TMEM255A: variants seen among roughly 807,000 people sequenced by gnomAD.
The protein encoded by TMEM255A is transmembrane protein 255A.
In TMEM255A, 14 loss-of-function variants were observed where a neutral mutation model predicts 23.5. The observed-to-expected ratio is 0.60, with a 90% CI of 0.39 to 0.93. The LOEUF is 0.93. TMEM255A is among the 40% of genes least tolerant of loss of function. The pLI, the probability that TMEM255A is intolerant of heterozygous loss-of-function variation, is 0.00. For synonymous variants in TMEM255A, 104 were observed against 100.3 expected (o/e 1.04, Z -0.22); for missense variants, 233 against 261.7 (o/e 0.89, Z 0.76).
rs1435549807 is a variant in TMEM255A, at chrX:120,260,601, G to T, written c.*269C>A. ...GCTGAATACAGAGGTGGAGCATAGG[G>T]TAATGCAAGTCCAAACAAGCTTCTT... On this transcript the variant is annotated 3_prime_UTR_variant, in exon 9 of 9. Coordinates refer to ENST00000371369, the MANE Select transcript of TMEM255A (RefSeq NM_001104544.3). The T allele has an allele frequency of 3.5e-5, 11 of 310,126 alleles. No individual in the cohort carries two copies. Among genetic ancestry groups the T allele is most frequent in the Non-Finnish European group, 5.5e-5 (10 of 182,315 alleles). The allele number at this position is 310,126 out of a possible 1,213,427, so 25.6% of individuals were successfully genotyped here.
chrX:120,260,072 A>G lies in TMEM255A; in HGVS notation c.*798T>C, dbSNP rs2057666657. ...TTTTTAAACTCTGAATTACAACCAT[A>G]AGATTTATATCTCCTGTAGCAAATG... On this transcript the variant is annotated 3_prime_UTR_variant, in exon 9 of 9. Coordinates refer to ENST00000371369, the MANE Select transcript of TMEM255A (RefSeq NM_001104544.3). 1 of 717,235 alleles carries G rather than the reference A, an allele frequency of 1.4e-6. No individual in the cohort carries two copies. Among genetic ancestry groups the G allele is most frequent in the African/African-American group, 2.3e-5 (1 of 43,156 alleles). The allele number at this position is 717,235 out of a possible 1,213,427, so 59.1% of individuals were successfully genotyped here.
chrX:120,251,687 G>T, the TMEM255A span, among the ~76,000 whole-genome samples: 1 of 112,060 alleles, frequency 8.9e-6, no homozygotes, highest in African/African-American at 3.2e-5. Context: ...CAGCTCCTCC[G>T]AACTGGCCCT....
chrX:120,305,375 G>A (rs1358046152), intron 1 of TMEM255A, among the ~76,000 whole-genome samples: 2 of 109,442 alleles, frequency 1.8e-5, no homozygotes, highest in African/African-American at 6.7e-5. Flanking sequence ...TCAGGCATAG[G>A]GAGAGGGCCT....
intron 7 of TMEM255A, among the ~76,000 whole-genome samples, chrX:120,268,797 C>G (rs1556018100): frequency 8.9e-6 from 1 of 111,937 alleles, no homozygotes; most frequent in Non-Finnish European, 1.9e-5. Flanking sequence ...TTTCCCCAAA[C>G]TTTTTAACTT....
At chrX:120,311,127 G>T in intron 1 of TMEM255A, 125 bp downstream of exon 1, 1 of 635,746 alleles carries the variant, frequency 1.6e-6, no homozygotes, top group Non-Finnish European at 2.5e-6. Context: ...GGGGCGCGAA[G>T]ACCACCCCAT....
At chrX:120,279,998 C>CTTTTTTTTTTTTTTTTTTTTTTT (rs59428362) in intron 6 of TMEM255A, among the ~76,000 whole-genome samples, 5 of 38,226 alleles carry the variant, frequency 1.3e-4, no homozygotes, top group East Asian at 1.0e-3. Flanking sequence ...CCTTTTCTTT[C>CTTTTTTTTTTTTTTTTTTTTTTT]TTTTTTTTTT....
chrX:120,285,242 G>A (rs1556021560), intron 5 of TMEM255A, 27 bp from the exon 6 acceptor site: 4 of 1,139,241 alleles, frequency 3.5e-6, no homozygotes, highest in Non-Finnish European at 4.8e-6. Context: ...GTGAGGAGAT[G>A]AGCTGGCATT....
downstream of TMEM255A, chrX:120,254,418 A>C (rs782051437): frequency 3.3e-6 from 4 of 1,209,382 alleles, no homozygotes; most frequent in African/African-American, 7.0e-5. Context: ...GGAGGAAATA[A>C]TAGATGATGA....
downstream of TMEM255A, chrX:120,253,863 C>T (rs996808757): frequency 8.3e-7 from 1 of 1,211,163 alleles, no homozygotes; most frequent in Non-Finnish European, 1.1e-6. Flanking sequence ...CCTTGTAATA[C>T]AGAAATCAAA....
chrX:120,308,142 T>C (rs1374042919), intron 1 of TMEM255A, among the ~76,000 whole-genome samples: 1 of 111,663 alleles, frequency 9.0e-6, no homozygotes, highest in African/African-American at 3.3e-5. Context: ...GTCCCTAAAT[T>C]CCCAGGTACC....
intron 8 of TMEM255A, 58 bp downstream of exon 8, chrX:120,268,186 A>G: frequency 8.8e-7 from 1 of 1,131,981 alleles, no homozygotes; most frequent in South Asian, 2.1e-5. Context: ...GGGAGAGAAC[A>G]AGAGAGCATG....
downstream of TMEM255A, chrX:120,253,806 C>T: frequency 8.3e-7 from 1 of 1,211,394 alleles, no homozygotes; most frequent in Admixed American, 2.2e-5. Flanking sequence ...AGGTACAGCG[C>T]AGGATGGTAA....
chrX:120,255,211 A>G (rs2057629872), downstream of TMEM255A: 1 of 1,210,127 alleles, frequency 8.3e-7, no homozygotes, highest in South Asian at 1.8e-5. Flanking sequence ...CAATATGCAT[A>G]TCTTTCCGAT....
intron 2 of TMEM255A, among the ~76,000 whole-genome samples, chrX:120,300,753 C>T (rs1323070181): frequency 9.2e-6 from 1 of 108,885 alleles, no homozygotes; most frequent in Non-Finnish European, 1.9e-5. Flanking sequence ...CTTTGTGGCC[C>T]AGGCTGGAGC....
At chrX:120,290,966 C>G (rs1442876635) in intron 4 of TMEM255A, among the ~76,000 whole-genome samples, 1 of 111,641 alleles carries the variant, frequency 9.0e-6, no homozygotes, top group Non-Finnish European at 1.9e-5. Flanking sequence ...AAAGGCCTAG[C>G]TCCAGCCCTA....
chrX:120,254,786 C>A (rs782477054), downstream of TMEM255A: 25 of 1,209,768 alleles, frequency 2.1e-5, no homozygotes, highest in Non-Finnish European at 2.7e-5. Flanking sequence ...AAGGGGAGGC[C>A]AGACTTGAGA....
downstream of TMEM255A, chrX:120,253,884 C>T (rs181118578): frequency 8.3e-7 from 1 of 1,208,974 alleles, no homozygotes; most frequent in Non-Finnish European, 1.1e-6. Flanking sequence ...AGATGAAGCC[C>T]AAGATAATGG....
intron 1 of TMEM255A, chrX:120,310,050 C>A (rs1337629518): frequency 9.0e-6 from 1 of 110,746 alleles, no homozygotes; most frequent in African/African-American, 3.3e-5. Context: ...ATAGGGGGTT[C>A]GATCTTCTCC....
intron 2 of TMEM255A, among the ~76,000 whole-genome samples, chrX:120,300,554 A>ATTTTTTTT (rs368966488): frequency 1.2e-3 from 91 of 74,193 alleles, no homozygotes; most frequent in East Asian, 8.0e-3. Flanking sequence ...GGCCAGGCTA[A>ATTTTTTTT]TTTTTTTTTT....
Sources: gnomAD v4.1 joint callset for allele counts (sites outside exome capture counted in the v4.1 genomes callset) on GRCh38, gnomAD v4.1.1 for gene constraint, MANE v1.5 for transcripts, NCBI Gene and HGNC (gene_info 2026-07-23, HGNC 2026-07-21) for gene names.